PCCA: variants seen among roughly 807,000 people sequenced by gnomAD.
The protein encoded by PCCA is propionyl-CoA carboxylase subunit alpha, also known as propionyl-CoA carboxylase alpha chain, mitochondrial.
PCCA carries 74 observed loss-of-function variants against 101.3 expected under a neutral mutation model. That is an observed-to-expected ratio of 0.73 (90% CI 0.61 to 0.89). PCCA has a LOEUF of 0.89. PCCA is among the 40% of genes least tolerant of loss of function. The pLI is 0.00. For synonymous variants in PCCA, 294 were observed against 313.6 expected (o/e 0.94, Z 0.66); for missense variants, 891 against 907.0 (o/e 0.98, Z 0.23).
Position 100,530,029 on chromosome 13 carries a change from G to A in PCCA, c.2119-69G>A, listed in dbSNP as rs919226648. The A allele has an allele frequency of 1.0e-4, 120 of 1,201,330 alleles. No individual in the cohort carries two copies. The South Asian group carries it at 1.3e-3, about 13-fold the overall frequency. The allele number at this position is 1,201,330 out of a possible 1,614,324, so 74.4% of individuals were successfully genotyped here. A position where few individuals can be genotyped will look rare whatever the true frequency, so the allele number is the denominator to read the frequency against. On this transcript the variant is annotated intron_variant, in intron 23 of 23. Transcript: ENST00000376285. ...GTGCATTTTTAGAAATGGATTAGGA[G>A]CCTGCCGCCTCTTGGTTCTGGTTAC...
At chr13:100,150,259 C>T (rs563288266) in intron 4 of PCCA, among the ~76,000 whole-genome samples, 1 of 152,072 alleles carries the variant, frequency 6.6e-6, no homozygotes, top group Non-Finnish European at 1.5e-5. Context: ...GTCTTGAACC[C>T]CTGACCTTGT....
chr13:100,118,059 T>C (rs1366975135), intron 4 of PCCA, among the ~76,000 whole-genome samples: 2 of 145,840 alleles, frequency 1.4e-5, no homozygotes, highest in African/African-American at 5.1e-5. Flanking sequence ...GAGCTTGCAG[T>C]GAGCTGAGAT....
intron 6 of PCCA, among the ~76,000 whole-genome samples, chr13:100,182,098 C>CT (rs558498604): frequency 0.014 from 1,520 of 105,450 alleles, 48 homozygotes; most frequent in African/African-American, 0.047. Context: ...TTTTCTTTTT[C>CT]TTTTTTTTTT....
chr13:100,261,348 G>T (rs967214599), intron 9 of PCCA, among the ~76,000 whole-genome samples: 2 of 147,298 alleles, frequency 1.4e-5, no homozygotes, highest in African/African-American at 2.5e-5. Context: ...GCAAGTTTGG[G>T]TTTTTTTTTT....
intron 19 of PCCA, among the ~76,000 whole-genome samples, chr13:100,405,488 C>CA (rs958816581): frequency 1.6e-4 from 24 of 151,224 alleles, no homozygotes; most frequent in Admixed American, 2.6e-4. Flanking sequence ...TTTTGTTAAA[C>CA]AAAAAAAAAT....
intron 20 of PCCA, among the ~76,000 whole-genome samples, chr13:100,431,444 T>G (rs2079543058): frequency 6.6e-6 from 1 of 152,228 alleles, no homozygotes; most frequent in Non-Finnish European, 1.5e-5. Context: ...ATATTTTCCT[T>G]TATGGTTTGT....
chr13:100,446,204 C>T (rs1595929320), intron 20 of PCCA, among the ~76,000 whole-genome samples: 1 of 151,984 alleles, frequency 6.6e-6, no homozygotes, highest in East Asian at 1.9e-4. Flanking sequence ...CGCCCGGCTA[C>T]TTTTTATATT....
At position 100,348,768 on chromosome 13, in the gene PCCA, CTTTCTTTCTTTCTTTCTTT is replaced by C. The variant is rs1566976149; in HGVS notation, c.1643+8510_1643+8528del. On this transcript the variant is annotated intron_variant, in intron 18 of 23. Transcript: ENST00000376285. The stretch of plus-strand genomic sequence containing the variant: ...TCTTTCTTTCTTTCTTTCTTTCTTT[CTTTCTTTCTTTCTTTCTTT>C]CTTCCTTCCTTCCTTCCTTCCTTCC... Among the ~76,000 whole-genome samples the C allele has an allele frequency of 1.9e-3, 184 of 94,642 alleles. 3 individuals carry two copies. Among genetic ancestry groups the C allele is most frequent in the African/African-American group, 6.6e-3 (147 of 22,174 alleles). 62.1% of individuals were successfully genotyped at this position (94,642 alleles called of 152,430 possible). A position where few individuals can be genotyped will look rare whatever the true frequency, so the allele number is the denominator to read the frequency against.
At chr13:100,297,012 A>G (rs990230556) in intron 12 of PCCA, among the ~76,000 whole-genome samples, 2 of 152,184 alleles carry the variant, frequency 1.3e-5, no homozygotes, top group African/African-American at 2.4e-5. Flanking sequence ...ATTTTTTAAG[A>G]GCATAAACCA....
intron 22 of PCCA, among the ~76,000 whole-genome samples, chr13:100,522,100 C>G (rs891402459): frequency 1.3e-5 from 2 of 152,158 alleles, no homozygotes; most frequent in Non-Finnish European, 2.9e-5. Context: ...TTTTAATTGC[C>G]GAAATCATTC....
intron 19 of PCCA, among the ~76,000 whole-genome samples, chr13:100,414,483 AATT>A (rs1293116270): frequency 3.3e-5 from 5 of 152,234 alleles, no homozygotes; most frequent in Non-Finnish European, 7.3e-5. Flanking sequence ...ATTAAGAATC[AATT>A]ATTATAAGAG....
chr13:100,154,959 G>T lies in PCCA; in HGVS notation c.301-20G>T. On this transcript the variant is annotated intron_variant, in intron 4 of 23. Coordinates refer to ENST00000376285, the MANE Select transcript of PCCA (RefSeq NM_000282.4). ...CTTTTTGCTGGGCGCATCTGTTAAT[G>T]CAGAAATTTGTCTCCTCAGGTTCAT... The T allele has an allele frequency of 6.5e-7, 1 of 1,544,836 alleles. No homozygotes were observed. Among genetic ancestry groups the T allele is most frequent in the Non-Finnish European group, 9.0e-7 (1 of 1,116,972 alleles).
At chr13:100,445,723 C>T (rs1186421340) in intron 20 of PCCA, among the ~76,000 whole-genome samples, 1 of 152,040 alleles carries the variant, frequency 6.6e-6, no homozygotes, top group Non-Finnish European at 1.5e-5. Flanking sequence ...CGGGTTCATC[C>T]ATGTTGTTGC....
chr13:100,173,035 A>G (rs1392253008), intron 6 of PCCA, among the ~76,000 whole-genome samples: 1 of 151,964 alleles, frequency 6.6e-6, no homozygotes, highest in African/African-American at 2.4e-5. Context: ...TTTTCCCCAT[A>G]TGACTATTAT....
chr13:100,418,055 T>C (rs538283430), intron 19 of PCCA, among the ~76,000 whole-genome samples: 19 of 152,276 alleles, frequency 1.2e-4, no homozygotes, highest in Admixed American at 4.6e-4. Context: ...TCTGTCTCCA[T>C]ACAATCATTA....
intron 19 of PCCA, among the ~76,000 whole-genome samples, chr13:100,389,286 A>T (rs2076686914): frequency 6.6e-6 from 1 of 152,190 alleles, no homozygotes; most frequent in Non-Finnish European, 1.5e-5. Flanking sequence ...CAGAGTTTGA[A>T]GGCCTACATA....
chr13:100,138,063 A>C (rs1418716874), intron 4 of PCCA, among the ~76,000 whole-genome samples: 1 of 152,132 alleles, frequency 6.6e-6, no homozygotes, highest in Non-Finnish European at 1.5e-5. Flanking sequence ...TGTTGGGATT[A>C]AGGCATGAAC....
intron 8 of PCCA, 59 bp from the exon 9 acceptor site, chr13:100,257,536 T>C: frequency 8.7e-7 from 1 of 1,146,166 alleles, no homozygotes; most frequent in Admixed American, 1.8e-5. Context: ...TCAATTGTCA[T>C]GTTCATACAT....
chr13:100,269,207 C>T (rs561519388), intron 11 of PCCA, among the ~76,000 whole-genome samples: 1 of 152,164 alleles, frequency 6.6e-6, no homozygotes, highest in South Asian at 2.1e-4. Flanking sequence ...TTCATGTAGA[C>T]TCTGTTACTG....
Sources: gnomAD v4.1 joint callset for allele counts (sites outside exome capture counted in the v4.1 genomes callset) on GRCh38, gnomAD v4.1.1 for gene constraint, MANE v1.5 for transcripts, NCBI Gene and HGNC (gene_info 2026-07-23, HGNC 2026-07-21) for gene names.